The following SRGAP3 variants were observed in gnomAD, a reference collection of about 807,000 sequenced individuals.
The protein encoded by SRGAP3 is SLIT-ROBO Rho GTPase activating protein 3, also known as SLIT-ROBO Rho GTPase-activating protein 3.
In SRGAP3, 39 loss-of-function variants were observed where a neutral mutation model predicts 121.1. The observed-to-expected ratio is 0.32, with a 90% CI of 0.25 to 0.42. The LOEUF is 0.42. SRGAP3 is among the 10% of genes least tolerant of loss of function. SRGAP3 has a pLI of 1.00. For missense variants in SRGAP3, 1,213 were observed against 1,470.6 expected (o/e 0.82, Z 2.86); for synonymous variants, 601 against 570.0 (o/e 1.05, Z -0.77).
chr3:9,016,465 C>T (rs1274870967), intron 14 of SRGAP3, among the ~76,000 whole-genome samples: 1 of 152,200 alleles, frequency 6.6e-6, no homozygotes. Context: ...GGCAAGAACA[C>T]TACATGGGTG....
At chr3:9,118,697 C>A (rs1361404316) in intron 2 of SRGAP3, among the ~76,000 whole-genome samples, 1 of 152,102 alleles carries the variant, frequency 6.6e-6, no homozygotes, top group Non-Finnish European at 1.5e-5. Flanking sequence ...CCAGGCCCCC[C>A]CCCCAAGAAG....
chr3:9,335,936 C>T (rs1455491146), intron 1 of SRGAP3, among the ~76,000 whole-genome samples: 6 of 151,978 alleles, frequency 3.9e-5, no homozygotes, highest in Non-Finnish European at 5.9e-5. Flanking sequence ...TAATTTGCAG[C>T]CATGGGACTT....
At chr3:9,173,097 C>T (rs971362822) in intron 1 of SRGAP3, among the ~76,000 whole-genome samples, 1 of 152,214 alleles carries the variant, frequency 6.6e-6, no homozygotes, top group Non-Finnish European at 1.5e-5. Context: ...CGCAGTGATG[C>T]TGCTTGCACT....
chr3:9,091,243 C>A (rs1312807727), intron 3 of SRGAP3, among the ~76,000 whole-genome samples: 1 of 152,052 alleles, frequency 6.6e-6, no homozygotes, highest in East Asian at 1.9e-4. Flanking sequence ...TCAAACCCTG[C>A]GTCAGCCAGC....
intron 7 of SRGAP3, 22 bp downstream of exon 7, chr3:9,058,229 C>T (rs767503704): frequency 1.7e-5 from 28 of 1,611,762 alleles, no homozygotes; most frequent in South Asian, 1.6e-4. Flanking sequence ...GCCCCAAGCC[C>T]GGGCTCCAGG....
intron 3 of SRGAP3, among the ~76,000 whole-genome samples, chr3:9,093,685 T>C (rs1218129982): frequency 6.6e-6 from 1 of 152,194 alleles, no homozygotes; most frequent in Non-Finnish European, 1.5e-5. Context: ...CTAATATGTA[T>C]ACAAGTGTAT....
intron 18 of SRGAP3, among the ~76,000 whole-genome samples, chr3:9,004,873 A>G (rs1942975489): frequency 6.6e-6 from 1 of 152,236 alleles, no homozygotes; most frequent in South Asian, 2.1e-4. Flanking sequence ...GGCCTCTTAG[A>G]TATAACACCA....
Position 8,990,441 on chromosome 3 carries a change from G to A in SRGAP3, c.2886+71C>T, listed in dbSNP as rs777200680. On this transcript the variant is annotated intron_variant, in intron 21 of 21. Coordinates refer to ENST00000383836, the MANE Select transcript of SRGAP3 (RefSeq NM_014850.4). ...GGCATAAAGGCCAAGGTGGCTCCCCGCTCCACGGATTCCCACCCGCTGCCC... is the reference window on the plus strand; with the variant it reads ...GGCATAAAGGCCAAGGTGGCTCCCCACTCCACGGATTCCCACCCGCTGCCC... 32 of 1,535,574 alleles carry A rather than the reference G, an allele frequency of 2.1e-5. No individual in the cohort carries two copies. The East Asian group carries it at 3.4e-4, about 16-fold the overall frequency.
chr3:9,266,052 A>G (rs1320448795), intron 3 of SRGAP3, among the ~76,000 whole-genome samples: 2 of 152,244 alleles, frequency 1.3e-5, no homozygotes, highest in Non-Finnish European at 2.9e-5. Flanking sequence ...ATAAAAAAGA[A>G]TGAGTTCATG....
At chr3:9,320,944 A>G (rs546547604) in intron 3 of SRGAP3, among the ~76,000 whole-genome samples, 26 of 152,052 alleles carry the variant, frequency 1.7e-4, no homozygotes, top group African/African-American at 6.0e-4. Context: ...TATGTAATAT[A>G]TACATTTTTT....
intron 1 of SRGAP3, among the ~76,000 whole-genome samples, chr3:9,338,783 T>C (rs1205881394): frequency 6.6e-6 from 1 of 152,242 alleles, no homozygotes; most frequent in Non-Finnish European, 1.5e-5. Flanking sequence ...AACTTTGGAA[T>C]GTTACCACAT....
intron 1 of SRGAP3, among the ~76,000 whole-genome samples, chr3:9,355,267 G>T (rs904064029): frequency 6.6e-6 from 1 of 152,182 alleles, no homozygotes; most frequent in African/African-American, 2.4e-5. Context: ...CCTAGTTTGA[G>T]ATATCATCAT....
chr3:9,236,995 C>A (rs550844932), intron 1 of SRGAP3, among the ~76,000 whole-genome samples: 7 of 152,300 alleles, frequency 4.6e-5, no homozygotes, highest in African/African-American at 1.7e-4. Flanking sequence ...CTGCAATCGG[C>A]CACCTGTTCA....
intron 1 of SRGAP3, among the ~76,000 whole-genome samples, chr3:9,233,856 G>A (rs1048458146): frequency 1.3e-5 from 2 of 152,140 alleles, no homozygotes; most frequent in Admixed American, 6.5e-5. Flanking sequence ...AAGTCTGTGC[G>A]GGCAGGGAAC....
chr3:9,178,249 C>T (rs1007192875), intron 1 of SRGAP3, among the ~76,000 whole-genome samples: 6 of 151,964 alleles, frequency 3.9e-5, no homozygotes, highest in Non-Finnish European at 8.8e-5. Context: ...GCCTGGGTAA[C>T]GAGCCAGACC....
intron 18 of SRGAP3, among the ~76,000 whole-genome samples, chr3:9,009,703 G>A (rs1044422772): frequency 6.6e-6 from 1 of 152,074 alleles, no homozygotes; most frequent in African/African-American, 2.4e-5. Flanking sequence ...AGGGGTGGAG[G>A]AATCTGGAGA....
intron 3 of SRGAP3, among the ~76,000 whole-genome samples, chr3:9,266,241 A>G (rs1297790722): frequency 1.3e-5 from 2 of 152,186 alleles, no homozygotes; most frequent in East Asian, 3.9e-4. Context: ...GGGCAAGGAA[A>G]GGGATAGCAT....
intron 3 of SRGAP3, among the ~76,000 whole-genome samples, chr3:9,094,901 A>G (rs1456671391): frequency 6.6e-6 from 1 of 151,702 alleles, no homozygotes; most frequent in African/African-American, 2.4e-5. Context: ...GACCACAAGC[A>G]CACACCACCA....
intron 20 of SRGAP3, chr3:8,992,612 A>G (rs928752560): frequency 5.1e-5 from 26 of 507,674 alleles, no homozygotes; most frequent in Non-Finnish European, 7.5e-5. Context: ...CAGGTAGGAA[A>G]AATACTTGCC....
Sources: allele counts gnomAD v4.1 joint callset (sites outside exome capture counted in the v4.1 genomes callset), GRCh38; gene constraint gnomAD v4.1.1; transcripts MANE v1.5; gene names NCBI Gene and HGNC (gene_info 2026-07-23, HGNC 2026-07-21).